Variants in HERC3 observed in about 807,000 individuals in gnomAD.
HERC3 encodes the protein probable E3 ubiquitin-protein ligase HERC3.
Under a neutral mutation model 129.9 loss-of-function variants are expected in HERC3, and 58 were observed. The ratio of observed to expected loss-of-function variants is 0.45; its 90% CI spans 0.36 to 0.56. HERC3 has a LOEUF of 0.56. HERC3 is among the 20% of genes least tolerant of loss of function. The pLI, the probability that HERC3 is intolerant of heterozygous loss-of-function variation, is 0.00. For synonymous variants in HERC3, 430 were observed against 451.0 expected (o/e 0.95, Z 0.59); for missense variants, 835 against 1,244.2 (o/e 0.67, Z 4.95).
chr4:88,656,256 C>T, intron 9 of HERC3: 1 of 546,040 alleles, frequency 1.8e-6, no homozygotes, highest in Admixed American at 3.1e-5. Flanking sequence ...TTAGGCCGTT[C>T]TTGCATTGCT....
the HERC3 span, among the ~76,000 whole-genome samples, chr4:88,569,674 A>G: frequency 2.0e-5 from 3 of 152,222 alleles, no homozygotes; most frequent in African/African-American, 7.2e-5. Context: ...CCACGTACCC[A>G]TGAAAGTCAC....
In HERC3 at chr4:88,606,045, G is replaced by A. The variant is rs926871675; in HGVS notation, c.222G>A (p.Lys74=). The change falls in exon 3 of 26, where the codon AAG becomes AAA. Residue 74 remains lysine (K), a synonymous_variant. Transcript: ENST00000402738. Reference sequence around the variant, plus strand: ...TGGGCCATGAGAGGGAAGGAAACAAGCCAGGTAAGTGCACCTTATCTGTCT... The same window carrying A: ...TGGGCCATGAGAGGGAAGGAAACAAACCAGGTAAGTGCACCTTATCTGTCT... The part of the protein sequence containing the change: ...GQLGHEREGN[K]PEQIGALADQ... The A allele has an allele frequency of 5.6e-6, 9 of 1,612,158 alleles. No individual in the cohort carries two copies. In the African/African-American group the frequency reaches 1.1e-4, roughly 19 times the overall value.
the HERC3 span, among the ~76,000 whole-genome samples, chr4:88,553,808 T>C: frequency 3.9e-5 from 6 of 152,250 alleles, no homozygotes; most frequent in South Asian, 1.2e-3. Flanking sequence ...AGTGCTGGGA[T>C]TACAGGCATG....
At chr4:88,702,905 A>G (rs1209482902) in intron 23 of HERC3, among the ~76,000 whole-genome samples, 1 of 152,164 alleles carries the variant, frequency 6.6e-6, no homozygotes, top group African/African-American at 2.4e-5. Flanking sequence ...GGCCATATAT[A>G]AATAAACATG....
At chr4:88,644,274 C>G (rs1285592503) in intron 3 of HERC3, among the ~76,000 whole-genome samples, 1 of 152,096 alleles carries the variant, frequency 6.6e-6, no homozygotes, top group Non-Finnish European at 1.5e-5. Context: ...ACCTAGCAAT[C>G]TCACACCTGG....
At chr4:88,642,501 A>T (rs1451650026) in intron 3 of HERC3, among the ~76,000 whole-genome samples, 1 of 152,206 alleles carries the variant, frequency 6.6e-6, no homozygotes, top group African/African-American at 2.4e-5. Context: ...AAAATATCAC[A>T]AACTTGTTGG....
intron 3 of HERC3, among the ~76,000 whole-genome samples, chr4:88,616,143 A>G (rs544267141): frequency 3.9e-5 from 6 of 152,054 alleles, no homozygotes; most frequent in Non-Finnish European, 8.8e-5. Context: ...GTTCATTTTT[A>G]TTTTAGGTTT....
rs140512108 is a variant in HERC3, at chr4:88,692,244, T to C, written c.2657+4945T>C. Reference sequence around the variant, plus strand: ...CATTAGTGAAAAACCCATATGTCATTCTAGATTCCCTAAAATTTACCTTAA... The same window carrying C: ...CATTAGTGAAAAACCCATATGTCATCCTAGATTCCCTAAAATTTACCTTAA... On this transcript the variant is annotated intron_variant, in intron 23 of 25. Coordinates refer to ENST00000402738, the MANE Select transcript of HERC3 (RefSeq NM_014606.3). Among the ~76,000 whole-genome samples the C allele has an allele frequency of 2.3e-3, 347 of 152,022 alleles. 1 individual carries two copies. Among genetic ancestry groups the C allele is most frequent in the Admixed American group, 3.0e-3 (45 of 15,246 alleles).
chr4:88,613,949 A>G (rs1310370469), intron 3 of HERC3, among the ~76,000 whole-genome samples: 2 of 127,352 alleles, frequency 1.6e-5, no homozygotes, highest in African/African-American at 7.5e-5. Flanking sequence ...TTGTGGGATA[A>G]TTGATCGGAA....
the HERC3 span, among the ~76,000 whole-genome samples, chr4:88,540,634 C>T: frequency 1.3e-5 from 2 of 152,102 alleles, no homozygotes; most frequent in Non-Finnish European, 2.9e-5. Context: ...AACCCCAAGA[C>T]ACATAATTGT....
chr4:88,596,792 T>A (rs1722443949), intron 2 of HERC3, among the ~76,000 whole-genome samples: 1 of 152,262 alleles, frequency 6.6e-6, no homozygotes, highest in Non-Finnish European at 1.5e-5. Flanking sequence ...GATTGTTCCC[T>A]CTATTCCTAC....
chr4:88,538,669 G>A, the HERC3 span, among the ~76,000 whole-genome samples: 10 of 151,126 alleles, frequency 6.6e-5, no homozygotes, highest in South Asian at 2.1e-4. Flanking sequence ...TCAGCCTCCC[G>A]AGTAGCTGGG....
Position 88,704,574 on chromosome 4 carries a change from C to T in HERC3, c.2908C>T (p.His970Tyr). 2 of 1,606,386 alleles carry T rather than the reference C, an allele frequency of 1.2e-6. No homozygotes were observed. Among genetic ancestry groups the T allele is most frequent in the Non-Finnish European group, 1.7e-6 (2 of 1,172,976 alleles). ...TGTAAAACTATTTTGGGAAACATTT[C>T]ATGAGTTTCCATTGGAAAAGAAGAA... is the stretch of plus-strand genomic sequence containing the variant. ...PTVKLFWETF[H>Y]EFPLEKKKKF... is the part of the protein sequence containing the mutation. The change falls in exon 25 of 26, where the codon CAT becomes TAT. Residue 970 changes from histidine to tyrosine, a missense_variant. His to Tyr is a moderately conservative substitution (Grantham distance 83, BLOSUM62 2). Transcript: ENST00000402738.
intron 3 of HERC3, among the ~76,000 whole-genome samples, chr4:88,646,332 G>C (rs762446696): frequency 6.6e-6 from 1 of 152,170 alleles, no homozygotes; most frequent in Non-Finnish European, 1.5e-5. Context: ...GAGCTAAGTA[G>C]AACTAACCCT....
the HERC3 span, among the ~76,000 whole-genome samples, chr4:88,543,438 C>G: frequency 6.6e-6 from 1 of 152,060 alleles, no homozygotes; most frequent in African/African-American, 2.4e-5. Flanking sequence ...TAAAAGAGGA[C>G]ACAAACGAAT....
At chr4:88,627,760 CAGGT>C (rs144915135) in intron 3 of HERC3, among the ~76,000 whole-genome samples, 21,229 of 151,738 alleles carry the variant, frequency 0.14, 1,652 homozygotes, top group East Asian at 0.2. Context: ...AAAAAGTAGG[CAGGT>C]ATGGTGGTGC....
chr4:88,656,797 A>T (rs750341932), intron 9 of HERC3: 4 of 152,214 alleles, frequency 2.6e-5, no homozygotes, highest in Non-Finnish European at 5.9e-5. Flanking sequence ...ATAATCTAAG[A>T]ACTAGTTAGT....
At chr4:88,625,720 C>T (rs1726024585) in intron 3 of HERC3, among the ~76,000 whole-genome samples, 4 of 152,186 alleles carry the variant, frequency 2.6e-5, no homozygotes, top group Admixed American at 2.0e-4. Flanking sequence ...TGTACATCCT[C>T]ACCTTGTTCC....
intron 16 of HERC3, among the ~76,000 whole-genome samples, chr4:88,675,204 C>G (rs1310638837): frequency 6.6e-6 from 1 of 152,170 alleles, no homozygotes; most frequent in Non-Finnish European, 1.5e-5. Flanking sequence ...CCTCTGTTTT[C>G]TCCTTCAACT....
Sources: gnomAD v4.1 joint callset for allele counts (sites outside exome capture counted in the v4.1 genomes callset) on GRCh38, gnomAD v4.1.1 for gene constraint, MANE v1.5 for transcripts, NCBI Gene and HGNC (gene_info 2026-07-23, HGNC 2026-07-21) for gene names.